Variants in TOP3B observed in about 807,000 individuals in gnomAD.
The protein encoded by TOP3B is DNA topoisomerase 3-beta-1.
In TOP3B, 45 loss-of-function variants were observed where a neutral mutation model predicts 93.9. The observed-to-expected ratio is 0.48, with a 90% CI of 0.38 to 0.61. The LOEUF (loss-of-function observed/expected upper bound fraction) is 0.61. Among genes scored for constraint, TOP3B ranks in the 20% least tolerant of loss-of-function variants. The probability of loss-of-function intolerance (pLI) is 0.00; values close to 1 mark genes in which losing one functional copy is unlikely to be tolerated. For synonymous variants in TOP3B, 357 were observed against 472.6 expected, an observed-to-expected ratio of 0.76 and a Z score of 3.17; for missense variants, 750 against 1,156.1, an observed-to-expected ratio of 0.65 and a Z score of 5.09.
Position 21,964,151 on chromosome 22 carries a change from C to A in TOP3B, c.1098+10G>T, listed in dbSNP as rs367901561. The A allele has an allele frequency of 6.2e-6, 10 of 1,613,860 alleles. No homozygotes were observed. Among genetic ancestry groups the A allele is most frequent in the African/African-American group, 2.7e-5 (2 of 74,948 alleles). ...CACACACATGCTGAGGCCGGCCCGG[C>A]TCCACTCACCGTGTCGGCCCAGTAG... On this transcript the variant is annotated intron_variant, in intron 10 of 17. Coordinates refer to ENST00000357179, the MANE Select transcript of TOP3B (RefSeq NM_001282112.2).
At chr22:21,975,834 T>C (rs2071844889) in intron 1 of TOP3B, 27 bp from the exon 2 acceptor site, 2 of 1,314,366 alleles carry the variant, frequency 1.5e-6, no homozygotes. Flanking sequence ...ACACTCAGGA[T>C]AGCAATGCTG....
intron 3 of TOP3B, chr22:21,974,096 C>A (rs1384604715): frequency 3.0e-6 from 1 of 335,708 alleles, no homozygotes; most frequent in African/African-American, 2.1e-5. Flanking sequence ...GGTGCTGCCA[C>A]TTTGTCTACA....
At position 21,971,870 on chromosome 22, in the gene TOP3B, C is replaced by T. The variant is rs779137634; in HGVS notation, c.384+7G>A. 5 of 1,613,912 alleles carry T rather than the reference C, an allele frequency of 3.1e-6. No individual in the cohort carries two copies. The highest frequency in any genetic ancestry group is 1.3e-5 in the African/African-American group (1 of 75,028). ...AAAGTGAGGAACAAAGTGAGCCTCA[C>T]ACTCACCTCAAAGCAGATGTTCTCC... On this transcript the variant is annotated splice_region_variant and intron_variant, in intron 5 of 17. Transcript: ENST00000357179. The surrounding 1 kb of genome is among the most constrained non-coding windows in gnomAD (Gnocchi z 4.6).
Position 21,975,733 on chromosome 22 carries a change from A to G in TOP3B, c.-24T>C, listed in dbSNP as rs2071840273. 1 of 1,594,848 alleles carries G rather than the reference A, an allele frequency of 6.3e-7. No individual in the cohort carries two copies. Among genetic ancestry groups the G allele is most frequent in the Non-Finnish European group, 8.6e-7 (1 of 1,166,246 alleles). On this transcript the variant is annotated 5_prime_UTR_variant, in exon 2 of 18. Coordinates refer to ENST00000357179, the MANE Select transcript of TOP3B (RefSeq NM_001282112.2). ...ATTTTGTCTCGGTCCTTCACACTCC[A>G]GTTTCGGGGCACTGGCAATGAAAAA...
Position 21,971,120 on chromosome 22 carries a change from C to T in TOP3B, c.385-714G>A, listed in dbSNP as rs934180863. On this transcript the variant is annotated intron_variant, in intron 5 of 17. Transcript: ENST00000357179. This position sits in a 1 kb window ranked among gnomAD's most constrained non-coding sequence, Gnocchi z 4.6. ...TCTCCATTCCCAGATGCAAAGGCCCCCAGGGAGGAGCCGCCCTGCAGGGGA... is the reference window on the plus strand; with the variant it reads ...TCTCCATTCCCAGATGCAAAGGCCCTCAGGGAGGAGCCGCCCTGCAGGGGA... The T allele has an allele frequency of 1.6e-6, 2 of 1,212,768 alleles. No homozygotes were observed. The highest frequency in any genetic ancestry group is 2.2e-6 in the Non-Finnish European group (2 of 912,474). 75.1% of individuals were successfully genotyped at this position (1,212,768 alleles called of 1,614,324 possible). A position where few individuals can be genotyped will look rare whatever the true frequency, so the allele number is the denominator to read the frequency against.
chr22:21,975,537 A>C, intron 2 of TOP3B, 103 bp downstream of exon 2: 3 of 1,352,848 alleles, frequency 2.2e-6, no homozygotes, highest in Non-Finnish European at 2.9e-6. Context: ...TGCCGACCCG[A>C]ACCAAATCTA....
At chr22:21,980,738 C>T (rs1168482543) in intron 1 of TOP3B, among the ~76,000 whole-genome samples, 1 of 152,248 alleles carries the variant, frequency 6.6e-6, no homozygotes, top group Non-Finnish European at 1.5e-5. Flanking sequence ...TGTGCGCCAG[C>T]AGGCTTCGGC....
chr22:21,965,766 C>G (rs1424083644), intron 8 of TOP3B: 1 of 155,072 alleles, frequency 6.4e-6, no homozygotes, highest in Non-Finnish European at 1.4e-5. Flanking sequence ...ACTCGTGACG[C>G]TGAGGCAGAA....
At chr22:21,959,381 C>T (rs1407781988) in intron 15 of TOP3B, 149 bp from the exon 16 acceptor site, 12 of 1,484,114 alleles carry the variant, frequency 8.1e-6, no homozygotes, top group African/African-American at 2.8e-5. Flanking sequence ...CAGCCCTGTG[C>T]GTCAGAGGCA....
intron 1 of TOP3B, 131 bp from the exon 2 acceptor site, chr22:21,975,938 G>A (rs1433692509): frequency 3.8e-6 from 2 of 526,420 alleles, no homozygotes; most frequent in Non-Finnish European, 2.8e-6. Context: ...AGGGAATTAG[G>A]GAAACTTGAA....
At position 21,964,047 on chromosome 22, in the gene TOP3B, A is replaced by G. The variant is rs1441176758; in HGVS notation, c.1099-19T>C. ...GCTTCACCTGAGGGAGAGAAGACAG[A>G]GCAGAGTCTGTGGCTGGGCTCGGCT... On this transcript the variant is annotated intron_variant, in intron 10 of 17. Coordinates refer to ENST00000357179, the MANE Select transcript of TOP3B (RefSeq NM_001282112.2). 3.7e-6 allele frequency: 6 copies of G among 1,602,442 alleles called. No homozygotes were observed. The East Asian group carries it at 8.9e-5, about 24-fold the overall frequency.
At chr22:21,961,169 C>G (rs539000878) in intron 13 of TOP3B, 1 of 152,366 alleles carries the variant, frequency 6.6e-6, no homozygotes, top group African/African-American at 2.4e-5. Flanking sequence ...AGAAACTGGC[C>G]TCTGGGGGCT....
intron 13 of TOP3B, 155 bp downstream of exon 13, chr22:21,962,274 G>A: frequency 6.3e-7 from 1 of 1,586,054 alleles, no homozygotes; most frequent in Non-Finnish European, 8.5e-7. Context: ...GGACCTGCCT[G>A]GCTGGCCACA....
chr22:21,959,053 T>G, intron 16 of TOP3B, 79 bp downstream of exon 16: 1 of 1,562,404 alleles, frequency 6.4e-7, no homozygotes, highest in Non-Finnish European at 8.7e-7. Context: ...ACAAAGAACA[T>G]GATTCCTGCT....
chr22:21,965,182 T>C (rs2071365213), intron 9 of TOP3B, 103 bp downstream of exon 9: 4 of 726,774 alleles, frequency 5.5e-6, no homozygotes, highest in South Asian at 2.4e-5. Flanking sequence ...TCAGATCCCC[T>C]TGAAGCCTTG....
At position 21,982,779 on chromosome 22, in the gene TOP3B, A is replaced by C. The variant is rs1198494157; in HGVS notation, c.-148T>G. On this transcript the variant is annotated 5_prime_UTR_variant, in exon 1 of 18. Coordinates refer to ENST00000357179, the MANE Select transcript of TOP3B (RefSeq NM_001282112.2). ...TCCGGTCCTTGTTCCCGGGGCGGCTACCGACAACCCCTATTTCCGGGTCCA... is the reference window on the plus strand; with the variant it reads ...TCCGGTCCTTGTTCCCGGGGCGGCTCCCGACAACCCCTATTTCCGGGTCCA... 1.3e-5 allele frequency: 2 copies of C among 152,216 alleles called. No individual in the cohort carries two copies. Among genetic ancestry groups the C allele is most frequent in the Non-Finnish European group, 2.9e-5 (2 of 68,028 alleles). The allele number at this position is 152,216 out of a possible 1,614,324, so 9.4% of individuals were successfully genotyped here. A position where few individuals can be genotyped will look rare whatever the true frequency, so the allele number is the denominator to read the frequency against.
intron 15 of TOP3B, 82 bp from the exon 16 acceptor site, chr22:21,959,314 T>G (rs2071065823): frequency 1.9e-6 from 3 of 1,584,156 alleles, no homozygotes; most frequent in Non-Finnish European, 2.6e-6. Flanking sequence ...AGGGTCTGAG[T>G]GTGAAAGGGT....
chr22:21,960,685 C>T (rs1259561337), intron 13 of TOP3B: 2 of 547,260 alleles, frequency 3.7e-6, no homozygotes, highest in Non-Finnish European at 6.5e-6. Flanking sequence ...GCGCCTACTC[C>T]TGCTTTATGG....
chr22:21,971,668 C>T lies in TOP3B; in HGVS notation c.384+209G>A, dbSNP rs1047946747. On this transcript the variant is annotated intron_variant, in intron 5 of 17. Coordinates refer to ENST00000357179, the MANE Select transcript of TOP3B (RefSeq NM_001282112.2). This position sits in a 1 kb window ranked among gnomAD's most constrained non-coding sequence, Gnocchi z 4.6. ...CTCATACCGTTGAGGCCTCAGCAAG[C>T]GGAGGAACAACTGACCACCTTTAAT... The T allele has an allele frequency of 2.9e-5, 18 of 615,124 alleles. No individual in the cohort carries two copies. The highest frequency in any genetic ancestry group is 2.1e-4 in the East Asian group (7 of 33,858). 38.1% of individuals were successfully genotyped at this position (615,124 alleles called of 1,614,324 possible). A position where few individuals can be genotyped will look rare whatever the true frequency, so the allele number is the denominator to read the frequency against.
Sources: allele counts gnomAD v4.1 joint callset (sites outside exome capture counted in the v4.1 genomes callset), GRCh38; gene constraint gnomAD v4.1.1; non-coding constraint Gnocchi (gnomAD v3.1); transcripts MANE v1.5; gene names NCBI Gene and HGNC (gene_info 2026-07-23, HGNC 2026-07-21).